SAXO5: variants seen among roughly 807,000 people sequenced by gnomAD.
SAXO5 encodes stabilizer of axonemal microtubules 5.
chr19:7,506,560 G>C, the SAXO5 span: 1 of 350,744 alleles, frequency 2.9e-6, no homozygotes, highest in East Asian at 8.4e-5. Context: ...CCCCTGACCC[G>C]CTAGCCTGCC....
chr19:7,500,694 T>C, the SAXO5 span: 1 of 865,166 alleles, frequency 1.2e-6, no homozygotes, highest in Non-Finnish European at 1.7e-6. Flanking sequence ...TCCAGCTCAG[T>C]GCTTGGCGAA....
the SAXO5 span, chr19:7,506,189 C>A: frequency 1.9e-6 from 3 of 1,544,730 alleles, no homozygotes; most frequent in South Asian, 3.6e-5. Flanking sequence ...GGAAGCCCCG[C>A]CCCATGGAGC....
chr19:7,503,676 G>T, the SAXO5 span, among the ~76,000 whole-genome samples: 3,687 of 152,194 alleles, frequency 0.024, 63 homozygotes, highest in Middle Eastern at 0.061. Flanking sequence ...GTAGGGATGG[G>T]GTTTCACCGT....
the SAXO5 span, chr19:7,498,991 C>G: frequency 1.3e-5 from 2 of 152,490 alleles, no homozygotes; most frequent in African/African-American, 4.8e-5. Flanking sequence ...CCTAGGACAA[C>G]TGCAGAGCAG....
the SAXO5 span, chr19:7,504,185 C>G: frequency 6.2e-7 from 1 of 1,614,084 alleles, no homozygotes; most frequent in Non-Finnish European, 8.5e-7. Flanking sequence ...AAAGACAGTT[C>G]CAGGCCCTGC....
chr19:7,506,425 A>C, the SAXO5 span: 8 of 507,244 alleles, frequency 1.6e-5, no homozygotes, highest in Middle Eastern at 5.7e-4. Flanking sequence ...CTCCTGGATA[A>C]TCCCGCCCCT....
At chr19:7,507,452 G>T in the SAXO5 span, among the ~76,000 whole-genome samples, 2 of 152,008 alleles carry the variant, frequency 1.3e-5, no homozygotes, top group Non-Finnish European at 2.9e-5. Context: ...GCATGGTGGC[G>T]CATGCCTGTA....
At chr19:7,507,203 C>A in the SAXO5 span, 1 of 1,389,382 alleles carries the variant, frequency 7.2e-7, no homozygotes, top group Non-Finnish European at 1.0e-6. Context: ...GTAGAGTTAT[C>A]TCAGGACGAC....
At chr19:7,500,740 A>T in the SAXO5 span, 2 of 1,278,068 alleles carry the variant, frequency 1.6e-6, no homozygotes, top group South Asian at 3.4e-5. Context: ...AGGAGTCAAA[A>T]GCAGGAGTCA....
chr19:7,505,212 A>T, the SAXO5 span: 1 of 977,574 alleles, frequency 1.0e-6, no homozygotes, highest in Non-Finnish European at 1.6e-6. Flanking sequence ...CAAAAGCCTG[A>T]CCTCAGGTGA....
the SAXO5 span, among the ~76,000 whole-genome samples, chr19:7,498,553 C>T: frequency 3.3e-5 from 5 of 152,032 alleles, no homozygotes; most frequent in Admixed American, 6.6e-5. Flanking sequence ...TGCGCCACCA[C>T]GCCTGACTAA....
chr19:7,504,279 G>C, the SAXO5 span: 1 of 1,613,642 alleles, frequency 6.2e-7, no homozygotes, highest in East Asian at 2.2e-5. Flanking sequence ...GGGCTGGGTG[G>C]TTTGGGCCTT....
At chr19:7,500,896 A>C in the SAXO5 span, 6 of 1,577,804 alleles carry the variant, frequency 3.8e-6, no homozygotes, top group Non-Finnish European at 5.1e-6. Flanking sequence ...AAGGCCTCGC[A>C]CTTCTCGCTG....
At chr19:7,501,480 T>TC in the SAXO5 span, 1 of 1,337,420 alleles carries the variant, frequency 7.5e-7, no homozygotes, top group Non-Finnish European at 9.7e-7. Context: ...TCATTCCCCT[T>TC]CCCCCAGGGA....
At chr19:7,505,304 G>A in the SAXO5 span, 3 of 1,610,720 alleles carry the variant, frequency 1.9e-6, no homozygotes, top group Admixed American at 5.0e-5. Context: ...ATTCTTGATG[G>A]AATAATACAC....
chr19:7,501,367 G>A, the SAXO5 span: 1 of 1,516,232 alleles, frequency 6.6e-7, no homozygotes. Flanking sequence ...CACGACGCGC[G>A]CCCGCAGCCT....
chr19:7,504,562 C>T, the SAXO5 span: 15 of 634,736 alleles, frequency 2.4e-5, no homozygotes, highest in Middle Eastern at 4.3e-4. Context: ...AACAATTAGC[C>T]GGGTGTGGTG....
chr19:7,504,120 G>C, the SAXO5 span: 5 of 1,608,154 alleles, frequency 3.1e-6, no homozygotes, highest in Admixed American at 8.4e-5. Flanking sequence ...CCTATCCTAA[G>C]GGGGCCCCAA....
chr19:7,500,771 C>A, the SAXO5 span: 1 of 1,392,450 alleles, frequency 7.2e-7, no homozygotes. Context: ...CCCCAATGGG[C>A]ACTTGCTCAG....
Sources: gnomAD v4.1 joint callset for allele counts (sites outside exome capture counted in the v4.1 genomes callset) on GRCh38, gnomAD v4.1.1 for gene constraint, MANE v1.5 for transcripts, NCBI Gene and HGNC (gene_info 2026-07-23, HGNC 2026-07-21) for gene names.